PCDHGB4: variants seen among roughly 807,000 people sequenced by gnomAD.
PCDHGB4 encodes protocadherin gamma-B4.
Under a neutral mutation model 60.5 loss-of-function variants are expected in PCDHGB4, and 38 were observed. The observed-to-expected ratio is 0.63, with a 90% confidence interval of 0.48 to 0.82. The LOEUF is 0.82. Ranked by LOEUF, PCDHGB4 falls within the 40% of genes least tolerant of loss-of-function variation. PCDHGB4 has a pLI of 0.00. For synonymous variants in PCDHGB4, 456 were observed against 509.7 expected, an observed-to-expected ratio of 0.89 and a Z score of 1.42; for missense variants, 1,109 against 1,209.6, an observed-to-expected ratio of 0.92 and a Z score of 1.23.
chr5:141,501,618 T>G (rs1307485559), intron 2 of PCDHGB4, among the ~76,000 whole-genome samples: 2 of 152,068 alleles, frequency 1.3e-5, no homozygotes, highest in African/African-American at 4.8e-5. Flanking sequence ...GTGACTCTGG[T>G]ATAGTCTCTC....
Position 141,438,619 on chromosome 5 carries a change from T to C in PCDHGB4, c.2397+48338T>C, listed in dbSNP as rs1053855444. Reference sequence around the variant, plus strand: ...ATATATATATATATATATATATATATATATATATATATATATACACACACA... The same window carrying C: ...ATATATATATATATATATATATATACATATATATATATATATACACACACA... On this transcript the variant is annotated intron_variant, in intron 1 of 3. Transcript: ENST00000519479. 1.0e-4 allele frequency among the ~76,000 whole-genome samples: 4 copies of C among 39,678 alleles called. No homozygotes were observed. The East Asian group carries it at 2.5e-3, about 25-fold the overall frequency. The allele number at this position is 39,678 out of a possible 152,430, so 26.0% of individuals were successfully genotyped here.
intron 1 of PCDHGB4, chr5:141,403,943 A>T: frequency 6.2e-7 from 1 of 1,613,934 alleles, no homozygotes; most frequent in Non-Finnish European, 8.5e-7. Context: ...GAAAGGGTGG[A>T]CAAAAGTGCT....
At chr5:141,484,287 C>T (rs1432341538) in intron 1 of PCDHGB4, among the ~76,000 whole-genome samples, 1 of 152,268 alleles carries the variant, frequency 6.6e-6, no homozygotes, top group Non-Finnish European at 1.5e-5. Context: ...GAAACATCTC[C>T]CTCTCCTGGC....
chr5:141,466,984 C>A (rs2099133455), intron 1 of PCDHGB4, among the ~76,000 whole-genome samples: 1 of 151,586 alleles, frequency 6.6e-6, no homozygotes, highest in Non-Finnish European at 1.5e-5. Context: ...CATCATTTAC[C>A]TTTTGGCATT....
rs370704205 is a variant in PCDHGB4, at chr5:141,422,166, T to C, written c.2397+31885T>C. 4.5e-6 allele frequency: 7 copies of C among 1,569,374 alleles called. No individual in the cohort carries two copies. In the South Asian group the frequency reaches 8.5e-5, roughly 19 times the overall value. ...GGGGGTCTCTGGATTTTGAAAAATA[T>C]AGATTCTATGAGATGGAAATTCAAG... On this transcript the variant is annotated intron_variant, in intron 1 of 3. Coordinates refer to ENST00000519479, the MANE Select transcript of PCDHGB4 (RefSeq NM_003736.4).
At chr5:141,459,165 C>T (rs1418626354) in intron 1 of PCDHGB4, among the ~76,000 whole-genome samples, 2 of 152,130 alleles carry the variant, frequency 1.3e-5, no homozygotes, top group African/African-American at 4.8e-5. Context: ...ATTTCTATAA[C>T]CTTCAAAAGT....
intron 2 of PCDHGB4, among the ~76,000 whole-genome samples, chr5:141,504,793 C>A (rs1256626821): frequency 9.9e-5 from 15 of 152,166 alleles, no homozygotes; most frequent in Admixed American, 3.9e-4. Context: ...GGGCCTCCTA[C>A]ATCTCCCCCT....
At chr5:141,393,886 A>G (rs944974638) in intron 1 of PCDHGB4, 3 of 1,614,034 alleles carry the variant, frequency 1.9e-6, no homozygotes, top group Admixed American at 1.7e-5. Context: ...CCAGTGTTAG[A>G]AAATTCTCTT....
intron 1 of PCDHGB4, among the ~76,000 whole-genome samples, chr5:141,482,530 C>CAAAAAAAAAA (rs3074545): frequency 1.2e-3 from 90 of 76,428 alleles, no homozygotes; most frequent in African/African-American, 1.7e-3. Context: ...GACAGACATG[C>CAAAAAAAAAA]AAAAAAAAAA....
rs747283905 is a variant in PCDHGB4, at chr5:141,491,693, G to A, written c.2398-3114G>A. On this transcript the variant is annotated intron_variant, in intron 1 of 3. Transcript: ENST00000519479. The surrounding 1 kb of genome is among the most constrained non-coding windows in gnomAD (Gnocchi z 6.9). ...TCCCGCTCTAATACGCTGCGGGAGC[G>A]GAGCCAGGTGAGGGGCTCGGCGCCG... 3.7e-5 allele frequency: 59 copies of A among 1,612,434 alleles called. No homozygotes were observed. Among genetic ancestry groups the A allele is most frequent in the Non-Finnish European group, 4.7e-5 (55 of 1,179,352 alleles).
In PCDHGB4 at chr5:141,486,143, G is replaced by T; in HGVS notation, c.2398-8664G>T. On this transcript the variant is annotated intron_variant, in intron 1 of 3. Coordinates refer to ENST00000519479, the MANE Select transcript of PCDHGB4 (RefSeq NM_003736.4). This position sits in a 1 kb window ranked among gnomAD's most constrained non-coding sequence, Gnocchi z 5.0. ...CTATGAATTTGATGTGCGGGCTCGC[G>T]ATGGGGGTTCTCCAGCCATGGAGCA... 6.2e-7 allele frequency: 1 copy of T among 1,614,198 alleles called. No homozygotes were observed. Among genetic ancestry groups the T allele is most frequent in the Non-Finnish European group, 8.5e-7 (1 of 1,180,030 alleles).
At chr5:141,502,925 C>T (rs962871271) in intron 2 of PCDHGB4, among the ~76,000 whole-genome samples, 5 of 145,518 alleles carry the variant, frequency 3.4e-5, no homozygotes, top group Non-Finnish European at 5.9e-5. Flanking sequence ...GCAGTGGCAA[C>T]CTTCACCTCC....
Position 141,491,687 on chromosome 5 carries a change from G to A in PCDHGB4, c.2398-3120G>A. On this transcript the variant is annotated intron_variant, in intron 1 of 3. Transcript: ENST00000519479. This position sits in a 1 kb window ranked among gnomAD's most constrained non-coding sequence, Gnocchi z 6.9. Reference sequence around the variant, plus strand: ...ATCCGGTCCCGCTCTAATACGCTGCGGGAGCGGAGCCAGGTGAGGGGCTCG... The same window carrying A: ...ATCCGGTCCCGCTCTAATACGCTGCAGGAGCGGAGCCAGGTGAGGGGCTCG... The A allele has an allele frequency of 6.2e-7, 1 of 1,613,072 alleles. No homozygotes were observed. The highest frequency in any genetic ancestry group is 8.5e-7 in the Non-Finnish European group (1 of 1,179,608).
chr5:141,398,360 G>A, intron 1 of PCDHGB4: 1 of 1,413,656 alleles, frequency 7.1e-7, no homozygotes, highest in Non-Finnish European at 9.8e-7. Flanking sequence ...TTCACCGTGA[G>A]CGCAGAGAGC....
chr5:141,457,701 G>A (rs1341216514), intron 1 of PCDHGB4, among the ~76,000 whole-genome samples: 1 of 152,222 alleles, frequency 6.6e-6, no homozygotes, highest in Admixed American at 6.5e-5. Context: ...TGGCTTTGAT[G>A]AAACACTGTT....
Position 141,437,685 on chromosome 5 carries a change from G to A in PCDHGB4, c.2397+47404G>A, listed in dbSNP as rs116699614. ...GAAGAGATGTTGATCAAACTGATGA[G>A]GCTAAATCTCAAGAAAGAGACACAG... On this transcript the variant is annotated intron_variant, in intron 1 of 3. Coordinates refer to ENST00000519479, the MANE Select transcript of PCDHGB4 (RefSeq NM_003736.4). Among the ~76,000 whole-genome samples the A allele has an allele frequency of 1.0e-2, 1,519 of 151,976 alleles. 34 individuals carry two copies. The highest frequency in any genetic ancestry group is 0.034 in the African/African-American group (1,425 of 41,440).
At chr5:141,433,084 T>G in intron 1 of PCDHGB4, 1 of 1,614,184 alleles carries the variant, frequency 6.2e-7, no homozygotes, top group Non-Finnish European at 8.5e-7. Flanking sequence ...AGCCCAACTA[T>G]GCAGACATGC....
rs936750924 is a variant in PCDHGB4, at chr5:141,418,950, T to A, written c.2397+28669T>A. On this transcript the variant is annotated intron_variant, in intron 1 of 3. Transcript: ENST00000519479. ...ATTATGGAGGATTCCCCTCCAGGAG[T>A]GGTTGTTGCCCTCTTCAAAACACGG... 23 of 1,613,742 alleles carry A rather than the reference T, an allele frequency of 1.4e-5. No individual in the cohort carries two copies. Among genetic ancestry groups the A allele is most frequent in the Non-Finnish European group, 1.9e-5 (23 of 1,179,860 alleles).
intron 1 of PCDHGB4, chr5:141,427,448 TC>T (rs1355717683): frequency 6.2e-6 from 3 of 484,982 alleles, no homozygotes; most frequent in Non-Finnish European, 1.2e-5. Flanking sequence ...ACGAAAGAGT[TC>T]CTTTTAGAAT....
Sources: gnomAD v4.1 joint callset for allele counts (sites outside exome capture counted in the v4.1 genomes callset) on GRCh38, gnomAD v4.1.1 for gene constraint, Gnocchi (gnomAD v3.1) non-coding constraint, MANE v1.5 for transcripts, NCBI Gene and HGNC (gene_info 2026-07-23, HGNC 2026-07-21) for gene names.